Variants in AHCYL2 observed in about 807,000 individuals in gnomAD.
The protein encoded by AHCYL2 is adenosylhomocysteinase like 2.
AHCYL2 carries 28 observed loss-of-function variants against 81.4 expected under a neutral mutation model. The observed-to-expected ratio is 0.34, with a 90% CI of 0.25 to 0.47. The LOEUF is 0.47. Ranked by LOEUF, AHCYL2 falls within the 20% of genes least tolerant of loss-of-function variation. AHCYL2 has a pLI of 1.00. For missense variants in AHCYL2, 551 were observed against 785.1 expected (o/e 0.70, Z 3.56); for synonymous variants, 272 against 290.2 (o/e 0.94, Z 0.64).
chr7:129,396,414 C>T (rs112536358), intron 4 of AHCYL2, among the ~76,000 whole-genome samples: 22 of 150,354 alleles, frequency 1.5e-4, no homozygotes, highest in South Asian at 6.3e-4. Context: ...CGTGAGCCAC[C>T]GCGCCCCGCC....
rs192277630 is a variant in AHCYL2, at chr7:129,272,616, T to C, written c.363+47177T>C. On this transcript the variant is annotated intron_variant, in intron 1 of 16. Transcript: ENST00000325006. ...CTGGGAAAAGAGTGAACCTTTGTTATATAGTGATTCAAGGTTTATTGGTAC... is the reference window on the plus strand; with the variant it reads ...CTGGGAAAAGAGTGAACCTTTGTTACATAGTGATTCAAGGTTTATTGGTAC... Among the ~76,000 whole-genome samples, 6 of 152,328 alleles carry C rather than the reference T, an allele frequency of 3.9e-5. No homozygotes were observed. In the East Asian group the frequency reaches 1.2e-3, roughly 29 times the overall value.
intron 1 of AHCYL2, among the ~76,000 whole-genome samples, chr7:129,334,949 T>G (rs892210493): frequency 1.3e-5 from 2 of 152,252 alleles, no homozygotes; most frequent in African/African-American, 4.8e-5. Flanking sequence ...TTGTTACTAA[T>G]TTGGTCTGTG....
At chr7:129,315,871 A>C (rs1437569747) in intron 1 of AHCYL2, among the ~76,000 whole-genome samples, 3 of 152,266 alleles carry the variant, frequency 2.0e-5, no homozygotes, top group African/African-American at 7.2e-5. Context: ...CAGCCATTTT[A>C]GTACTAATGT....
intron 10 of AHCYL2, among the ~76,000 whole-genome samples, chr7:129,407,760 A>C (rs767718411): frequency 6.6e-6 from 1 of 152,260 alleles, no homozygotes; most frequent in Non-Finnish European, 1.5e-5. Flanking sequence ...TTAGAAGCAC[A>C]CAGACAGATA....
chr7:129,234,362 G>A (rs1355155615), intron 1 of AHCYL2, among the ~76,000 whole-genome samples: 1 of 151,958 alleles, frequency 6.6e-6, no homozygotes, highest in East Asian at 1.9e-4. Flanking sequence ...CTGCTGCCTC[G>A]GCCTCTCAAG....
intron 1 of AHCYL2, among the ~76,000 whole-genome samples, chr7:129,276,248 C>T (rs945122671): frequency 1.2e-4 from 18 of 151,578 alleles, no homozygotes; most frequent in Non-Finnish European, 2.4e-4. Flanking sequence ...TTTATATCAT[C>T]ACAAAGAAGA....
rs962817816 is a variant in AHCYL2 at position 129,389,645 on chromosome 7, T to C, written c.631T>C (p.Leu211=). Residue 211 remains leucine, a synonymous_variant, in exon 4 of 17, where the codon TTG becomes CTG. Transcript: ENST00000325006. ...TTGGGCCTTTTCAGAAATGCCTGCA[T>C]TGATGGCTTTGAGGAAGAGAGCTCA... The part of the protein sequence containing the change: ...IEIAEQEMPA[L]MALRKRAQGE... 3.7e-6 allele frequency: 6 copies of C among 1,612,888 alleles called. No homozygotes were observed. In the Admixed American group the frequency reaches 5.0e-5, roughly 14 times the overall value.
At chr7:129,280,661 G>A (rs551533310) in intron 1 of AHCYL2, among the ~76,000 whole-genome samples, 106 of 151,304 alleles carry the variant, frequency 7.0e-4, no homozygotes, top group Non-Finnish European at 1.3e-3. Flanking sequence ...TAGAAGTGGT[G>A]AGAGTAGACA....
chr7:129,399,958 T>C (rs955876048), intron 5 of AHCYL2, among the ~76,000 whole-genome samples: 2 of 152,108 alleles, frequency 1.3e-5, no homozygotes, highest in African/African-American at 4.8e-5. Context: ...ACTCCTAACC[T>C]CAGGTGATCC....
chr7:129,388,212 G>A (rs1244897337), intron 2 of AHCYL2: 1 of 152,092 alleles, frequency 6.6e-6, no homozygotes, highest in East Asian at 1.9e-4. Context: ...ACACAAATCA[G>A]GGAAGGACAC....
intron 11 of AHCYL2, among the ~76,000 whole-genome samples, chr7:129,411,335 T>G (rs1363852834): frequency 6.6e-6 from 1 of 152,134 alleles, no homozygotes; most frequent in Non-Finnish European, 1.5e-5. Context: ...TAGCAGTCAC[T>G]CCTTATTCCA....
chr7:129,243,650 A>G (rs2150692791), intron 1 of AHCYL2, among the ~76,000 whole-genome samples: 1 of 151,736 alleles, frequency 6.6e-6, no homozygotes, highest in Admixed American at 6.6e-5. Context: ...GGCACCATCT[A>G]GACTCACTGC....
chr7:129,265,006 T>C (rs1321705480), intron 1 of AHCYL2, among the ~76,000 whole-genome samples: 1 of 152,238 alleles, frequency 6.6e-6, no homozygotes, highest in African/African-American at 2.4e-5. Context: ...AGATTCTAAC[T>C]TGAGTAAGTT....
intron 1 of AHCYL2, among the ~76,000 whole-genome samples, chr7:129,311,734 A>C (rs1797665427): frequency 6.6e-6 from 1 of 152,132 alleles, no homozygotes. Context: ...GTCACATCTT[A>C]CGTGGATTAT....
intron 1 of AHCYL2, among the ~76,000 whole-genome samples, chr7:129,261,569 ATTGT>A (rs1795645671): frequency 6.6e-6 from 1 of 152,148 alleles, no homozygotes; most frequent in African/African-American, 2.4e-5. Flanking sequence ...GGTTAGCATG[ATTGT>A]TTTTCTTGGT....
intron 1 of AHCYL2, among the ~76,000 whole-genome samples, chr7:129,286,977 A>T (rs962750260): frequency 3.3e-5 from 5 of 152,160 alleles, no homozygotes; most frequent in African/African-American, 1.2e-4. Flanking sequence ...TAATAATCCC[A>T]CTATATGTTA....
intron 1 of AHCYL2, among the ~76,000 whole-genome samples, chr7:129,309,613 A>G (rs1797575747): frequency 1.3e-5 from 2 of 152,216 alleles, no homozygotes; most frequent in Admixed American, 6.5e-5. Context: ...ACATATAAAT[A>G]TCTTCTATTC....
chr7:129,322,404 T>C, intron 1 of AHCYL2, among the ~76,000 whole-genome samples: 1 of 150,422 alleles, frequency 6.6e-6, no homozygotes, highest in Non-Finnish European at 1.5e-5. Flanking sequence ...TCTCCCAAAG[T>C]GCTGGGATTA....
At position 129,370,613 on chromosome 7, in the gene AHCYL2, G is replaced by A. The variant is rs1208335429; in HGVS notation, c.364-9025G>A. Among the ~76,000 whole-genome samples, 5 of 152,330 alleles carry A rather than the reference G, an allele frequency of 3.3e-5. 1 individual carries two copies. The highest frequency in any genetic ancestry group is 6.5e-5 in the Admixed American group (1 of 15,304). ...CTCTGGAGGCTGAGGCAGGAGAATA[G>A]CATGAACCCGGGAGGCAGAGCTTAC... On this transcript the variant is annotated intron_variant, in intron 1 of 16. Coordinates refer to ENST00000325006, the MANE Select transcript of AHCYL2 (RefSeq NM_015328.4).
Sources: allele counts gnomAD v4.1 joint callset (sites outside exome capture counted in the v4.1 genomes callset), GRCh38; gene constraint gnomAD v4.1.1; transcripts MANE v1.5; gene names NCBI Gene and HGNC (gene_info 2026-07-23, HGNC 2026-07-21).